Variants in FTO observed in about 807,000 individuals in gnomAD.
FTO encodes the protein alpha-ketoglutarate-dependent dioxygenase FTO.
Under a neutral mutation model 63.9 loss-of-function variants are expected in FTO, and 47 were observed. The observed-to-expected ratio is 0.74, with a 90% confidence interval of 0.58 to 0.94. The LOEUF (loss-of-function observed/expected upper bound fraction) is 0.94. FTO is among the 40% of genes least tolerant of loss of function. The pLI, the probability that FTO is intolerant of heterozygous loss-of-function variation, is 0.00. For synonymous variants in FTO, 207 were observed against 224.4 expected (o/e 0.92, Z 0.69); for missense variants, 562 against 618.1 (o/e 0.91, Z 0.96).
rs1180116740 is a variant in FTO at position 54,117,175 on chromosome 16, G to C, written c.*5260G>C. ...CACTCTACCACCTCTTCAAACCTTTGTTGTCTTATCTACAAAATAGAATAG... is the reference window on the plus strand; with the variant it reads ...CACTCTACCACCTCTTCAAACCTTTCTTGTCTTATCTACAAAATAGAATAG... On this transcript the variant is annotated 3_prime_UTR_variant, in exon 9 of 9. Coordinates refer to ENST00000471389, the MANE Select transcript of FTO (RefSeq NM_001080432.3). The C allele has an allele frequency of 5.3e-5, 8 of 152,124 alleles. No individual in the cohort carries two copies. The highest frequency in any genetic ancestry group is 5.2e-4 in the Admixed American group (8 of 15,272). 9.4% of individuals were successfully genotyped at this position (152,124 alleles called of 1,614,324 possible).
At chr16:54,111,592 T>G (rs1417903578) in intron 8 of FTO, among the ~76,000 whole-genome samples, 170 bp from the exon 9 acceptor site, 1 of 152,172 alleles carries the variant, frequency 6.6e-6, no homozygotes, top group Non-Finnish European at 1.5e-5. Flanking sequence ...ACAGTCTTCC[T>G]TCTTATAAAC....
intron 8 of FTO, among the ~76,000 whole-genome samples, chr16:54,100,856 A>G (rs1344877544): frequency 1.3e-5 from 2 of 152,170 alleles, no homozygotes; most frequent in African/African-American, 4.8e-5. Flanking sequence ...TGCTCATCAC[A>G]TGGCTTGGGA....
chr16:53,725,672 G>A (rs1320970783), intron 1 of FTO, among the ~76,000 whole-genome samples: 3 of 152,146 alleles, frequency 2.0e-5, no homozygotes, highest in South Asian at 4.1e-4. Context: ...TTTGATAGTG[G>A]GATGTCTTGG....
At chr16:54,012,916 A>C (rs2084362062) in intron 8 of FTO, among the ~76,000 whole-genome samples, 1 of 152,162 alleles carries the variant, frequency 6.6e-6, no homozygotes, top group Non-Finnish European at 1.5e-5. Context: ...GAGATAAATG[A>C]GATTAATGTT....
intron 8 of FTO, among the ~76,000 whole-genome samples, chr16:53,994,985 C>T (rs1361879720): frequency 1.3e-5 from 2 of 152,284 alleles, no homozygotes; most frequent in East Asian, 3.9e-4. Context: ...CCGCCCGTCT[C>T]GGCCTCCTCT....
rs2151876807 is a variant in FTO at position 53,872,477 on chromosome 16, T to C, written c.896-1309T>C. On this transcript the variant is annotated intron_variant, in intron 4 of 8. Transcript: ENST00000471389. Reference sequence around the variant, plus strand: ...CTCTGGGTTTTGACTTCCTCTTCTCTATTCTGTGGCATTGAAACTGTTTCC... The same window carrying C: ...CTCTGGGTTTTGACTTCCTCTTCTCCATTCTGTGGCATTGAAACTGTTTCC... Among the ~76,000 whole-genome samples, 3 of 152,306 alleles carry C rather than the reference T, an allele frequency of 2.0e-5. 1 individual carries two copies. Among genetic ancestry groups the C allele is most frequent in the Admixed American group, 2.0e-4 (3 of 15,298 alleles).
intron 8 of FTO, among the ~76,000 whole-genome samples, chr16:53,951,516 G>A (rs895083192): frequency 1.6e-5 from 2 of 127,158 alleles, no homozygotes; most frequent in Non-Finnish European, 1.8e-5. Context: ...CTGAAGTAGT[G>A]CGCTGTGCGT....
At chr16:53,925,873 A>G (rs1261305378) in intron 7 of FTO, among the ~76,000 whole-genome samples, 1 of 152,198 alleles carries the variant, frequency 6.6e-6, no homozygotes. Flanking sequence ...TTTTTCCAAG[A>G]AAGACAGGAA....
At chr16:53,857,329 G>T (rs770199229) in intron 4 of FTO, among the ~76,000 whole-genome samples, 1 of 152,050 alleles carries the variant, frequency 6.6e-6, no homozygotes, top group South Asian at 2.1e-4. Context: ...AAGAGAGAAC[G>T]TGCAGTATTT....
chr16:54,095,744 C>T (rs1291223396), intron 8 of FTO, among the ~76,000 whole-genome samples: 2 of 152,112 alleles, frequency 1.3e-5, no homozygotes, highest in East Asian at 3.9e-4. Flanking sequence ...TTTCTGCTGC[C>T]CCCCGCCTGG....
rs770709958 is a variant in FTO, at chr16:54,111,939, G to T, written c.*24G>T. 6.2e-7 allele frequency: 1 copy of T among 1,613,892 alleles called. No homozygotes were observed. The highest frequency in any genetic ancestry group is 8.5e-7 in the Non-Finnish European group (1 of 1,179,926). ...AGAAGGAGCACAAGTCTCAGGCGGA[G>T]GAGAAAAAGAGATCGGCTTTTCTCC... is the stretch of plus-strand genomic sequence containing the variant. On this transcript the variant is annotated 3_prime_UTR_variant, in exon 9 of 9. Transcript: ENST00000471389.
chr16:53,815,113 C>G (rs1051951886), intron 2 of FTO, among the ~76,000 whole-genome samples: 6 of 150,970 alleles, frequency 4.0e-5, no homozygotes, highest in African/African-American at 1.5e-4. Context: ...GAGAGAGGCC[C>G]GGTTATACGA....
intron 7 of FTO, among the ~76,000 whole-genome samples, chr16:53,929,048 G>C (rs1331509364): frequency 6.6e-6 from 1 of 152,046 alleles, no homozygotes; most frequent in Non-Finnish European, 1.5e-5. Flanking sequence ...TTGCCATGTT[G>C]GTCAGGCTGA....
chr16:53,937,456 A>G (rs758137899), intron 8 of FTO: 169 of 392,286 alleles, frequency 4.3e-4, no homozygotes, highest in Non-Finnish European at 5.1e-4. Context: ...GTCTGCAGCT[A>G]ATAAACTCTG....
chr16:53,917,445 TCA>T (rs1444870146), intron 7 of FTO, among the ~76,000 whole-genome samples: 2 of 152,178 alleles, frequency 1.3e-5, no homozygotes, highest in Non-Finnish European at 2.9e-5. Flanking sequence ...AAAACCGATT[TCA>T]CTGAATTGTT....
In FTO at chr16:53,704,198, C is replaced by G. The variant is rs1035019229; in HGVS notation, c.14C>G (p.Pro5Arg). The change falls in exon 1 of 9, where the codon CCG (proline) becomes CGG (arginine). Residue 5 changes from proline (P) to arginine (R), a missense_variant. Transcript: ENST00000471389. ...TTTAGTGGCAGCATGAAGCGCACCCCGACTGCCGAGGAACGAGAGCGCGAA... is the reference window on the plus strand; with the variant it reads ...TTTAGTGGCAGCATGAAGCGCACCCGGACTGCCGAGGAACGAGAGCGCGAA... MKRT[P>R]TAEEREREAK... is the part of the protein sequence containing the mutation. 3 of 1,551,468 alleles carry G rather than the reference C, an allele frequency of 1.9e-6. No individual in the cohort carries two copies. Among genetic ancestry groups the G allele is most frequent in the Non-Finnish European group, 2.6e-6 (3 of 1,146,848 alleles).
intron 1 of FTO, among the ~76,000 whole-genome samples, chr16:53,714,701 T>C (rs2075851683): frequency 6.6e-6 from 1 of 152,174 alleles, no homozygotes; most frequent in Non-Finnish European, 1.5e-5. Flanking sequence ...TTAGTTACAT[T>C]ATTGGCTGGT....
chr16:53,794,534 T>G (rs1290414125), intron 1 of FTO, among the ~76,000 whole-genome samples: 1 of 152,128 alleles, frequency 6.6e-6, no homozygotes, highest in Admixed American at 6.6e-5. Flanking sequence ...ATAACTAAGC[T>G]CACTGCTTAA....
At chr16:53,875,835 T>C (rs1485797793) in intron 5 of FTO, among the ~76,000 whole-genome samples, 1 of 152,202 alleles carries the variant, frequency 6.6e-6, no homozygotes, top group Non-Finnish European at 1.5e-5. Context: ...CAGAATAGAA[T>C]GTAGCAGATA....
Sources: gnomAD v4.1 joint callset for allele counts (sites outside exome capture counted in the v4.1 genomes callset) on GRCh38, gnomAD v4.1.1 for gene constraint, MANE v1.5 for transcripts, NCBI Gene and HGNC (gene_info 2026-07-23, HGNC 2026-07-21) for gene names.